Variants in NRG2 observed in about 807,000 individuals in gnomAD.
The protein encoded by NRG2 is pro-neuregulin-2, membrane-bound isoform.
Under a neutral mutation model 73.9 loss-of-function variants are expected in NRG2, and 27 were observed. The observed-to-expected ratio is 0.37, with a 90% CI of 0.27 to 0.50. The LOEUF (loss-of-function observed/expected upper bound fraction) is 0.50. Among genes scored for constraint, NRG2 ranks in the 20% least tolerant of loss-of-function variants. The probability of loss-of-function intolerance (pLI) is 0.96; values close to 1 mark genes in which losing one functional copy is unlikely to be tolerated. For missense variants in NRG2, 1,126 were observed against 1,210.1 expected (o/e 0.93, Z 1.03); for synonymous variants, 532 against 541.0 (o/e 0.98, Z 0.23).
intron 1 of NRG2, among the ~76,000 whole-genome samples, chr5:140,013,082 T>C (rs1759494051): frequency 6.6e-6 from 1 of 152,206 alleles, no homozygotes; most frequent in Non-Finnish European, 1.5e-5. Context: ...TCCTCCCTCA[T>C]ACTCTCAGCT....
In NRG2 at chr5:139,954,670, C is replaced by T. The variant is rs910357326; in HGVS notation, c.701-67159G>A. Among the ~76,000 whole-genome samples the T allele has an allele frequency of 4.6e-5, 7 of 152,358 alleles. No homozygotes were observed. The highest frequency in any genetic ancestry group is 2.1e-4 in the South Asian group (1 of 4,820). Reference sequence around the variant, plus strand: ...CAGCGACTCTCCGCAGAGGCCCCTGCGCGTATCCCGCCAAGTTCCTCTCTC... The same window carrying T: ...CAGCGACTCTCCGCAGAGGCCCCTGTGCGTATCCCGCCAAGTTCCTCTCTC... On this transcript the variant is annotated intron_variant, in intron 1 of 9. Coordinates refer to ENST00000361474, the MANE Select transcript of NRG2 (RefSeq NM_004883.3). The surrounding 1 kb of genome is among the most constrained non-coding windows in gnomAD (Gnocchi z 5.0).
At chr5:139,990,795 A>G (rs1341063339) in intron 1 of NRG2, among the ~76,000 whole-genome samples, 2 of 152,144 alleles carry the variant, frequency 1.3e-5, no homozygotes, top group East Asian at 1.9e-4. Context: ...AGTGTTTCCT[A>G]TTCTATGAAA....
rs1299943314 is a variant in NRG2, at chr5:139,848,427, C to T, written c.2043G>A (p.Ala681=). 2 of 1,285,998 alleles carry T rather than the reference C, an allele frequency of 1.6e-6. No individual in the cohort carries two copies. The highest frequency in any genetic ancestry group is 3.1e-5 in the African/African-American group (2 of 63,554). The allele number at this position is 1,285,998 out of a possible 1,614,324, so 79.7% of individuals were successfully genotyped here. ...TCCCGCGCCGCGGTCCGGGCCCCGC[C>T]GCGGGGTAATAGTAGCTGTCATAGC... ...QRSYDSYYYP[A]AGPGPRRGTC... The change falls in exon 10 of 10, where the codon GCG becomes GCA. Residue 681 remains alanine (A), a synonymous_variant. Coordinates refer to ENST00000361474, the MANE Select transcript of NRG2 (RefSeq NM_004883.3).
At chr5:139,871,668 C>T (rs1762860960) in intron 4 of NRG2, 53 bp downstream of exon 4, 3 of 1,605,848 alleles carry the variant, frequency 1.9e-6, no homozygotes, top group Non-Finnish European at 2.6e-6. Flanking sequence ...ACTTCTGACC[C>T]AGCATCTCCT....
intron 1 of NRG2, among the ~76,000 whole-genome samples, chr5:140,041,337 T>A (rs934112901): frequency 3.9e-5 from 6 of 152,176 alleles, no homozygotes; most frequent in African/African-American, 1.4e-4. Context: ...TTACACCAAA[T>A]ACTCCAGTGT....
intron 1 of NRG2, among the ~76,000 whole-genome samples, chr5:139,938,953 G>GAAAGAAAGAA (rs1753134294): frequency 1.9e-5 from 2 of 105,230 alleles, no homozygotes; most frequent in South Asian, 6.3e-4. Context: ...AAGAAAGAAA[G>GAAAGAAAGAA]AAAGAAAAAA....
At chr5:140,024,916 A>G (rs938446516) in intron 1 of NRG2, among the ~76,000 whole-genome samples, 6 of 152,200 alleles carry the variant, frequency 3.9e-5, no homozygotes, top group Non-Finnish European at 5.9e-5. Flanking sequence ...GGCTATTTTT[A>G]TGCCACTTAC....
chr5:139,848,775 G>GGGGGGGGGGGGGGGGT, intron 9 of NRG2, 78 bp from the exon 10 acceptor site: 2 of 601,720 alleles, frequency 3.3e-6, no homozygotes, highest in Admixed American at 4.8e-5. Context: ...GTGGGGTAGG[G>GGGGGGGGGGGGGGGGT]TGGGAGGGGC....
At chr5:139,989,083 T>C (rs867620988) in intron 1 of NRG2, among the ~76,000 whole-genome samples, 2 of 152,046 alleles carry the variant, frequency 1.3e-5, no homozygotes, top group South Asian at 4.1e-4. Flanking sequence ...AAAAATATTG[T>C]AAACAACTTA....
chr5:139,886,528 A>C (rs1763883316), intron 2 of NRG2, among the ~76,000 whole-genome samples: 1 of 152,238 alleles, frequency 6.6e-6, no homozygotes, highest in African/African-American at 2.4e-5. Flanking sequence ...GGAGCTCCTC[A>C]GTCAGAGAGG....
chr5:139,970,757 T>C (rs1413024366), intron 1 of NRG2, among the ~76,000 whole-genome samples: 1 of 152,012 alleles, frequency 6.6e-6, no homozygotes, highest in African/African-American at 2.4e-5. Context: ...GCTGAGAGAG[T>C]GCTCATGACT....
intron 1 of NRG2, among the ~76,000 whole-genome samples, chr5:139,993,474 G>A (rs1400811785): frequency 6.6e-6 from 1 of 152,148 alleles, no homozygotes; most frequent in African/African-American, 2.4e-5. Context: ...ATGGGAGCTC[G>A]CTAGTATCGT....
chr5:139,871,078 C>T (rs1316863943), intron 4 of NRG2: 1 of 152,878 alleles, frequency 6.5e-6, no homozygotes, highest in African/African-American at 2.4e-5. Context: ...CCCCTCATCC[C>T]ATGGAGTGGG....
At chr5:139,881,108 C>G (rs184536431) in intron 2 of NRG2, 134 bp from the exon 3 acceptor site, 309 of 686,358 alleles carry the variant, frequency 4.5e-4, no homozygotes, top group Middle Eastern at 6.8e-4. Context: ...GAGATTCCCT[C>G]CCCCCAGCAA....
Position 139,853,088 on chromosome 5 carries a change from C to T in NRG2, c.1293-61G>A. 2 of 1,603,974 alleles carry T rather than the reference C, an allele frequency of 1.2e-6. No individual in the cohort carries two copies. The highest frequency in any genetic ancestry group is 1.1e-5 in the South Asian group (1 of 89,290). On this transcript the variant is annotated intron_variant, in intron 6 of 9. Coordinates refer to ENST00000361474, the MANE Select transcript of NRG2 (RefSeq NM_004883.3). The surrounding 1 kb of genome is among the most constrained non-coding windows in gnomAD (Gnocchi z 4.1). ...CCCCACTCGCCAACGATGAACTTCC[C>T]TAGCTATCTCTCTAGGGAAACAGCT...
chr5:139,847,825 A>C lies in NRG2; in HGVS notation c.*92T>G, dbSNP rs1761086505. 5.3e-6 allele frequency: 4 copies of C among 749,184 alleles called. No homozygotes were observed. Among genetic ancestry groups the C allele is most frequent in the African/African-American group, 3.7e-5 (2 of 53,548 alleles). 46.4% of individuals were successfully genotyped at this position (749,184 alleles called of 1,614,324 possible). A position where few individuals can be genotyped will look rare whatever the true frequency, so the allele number is the denominator to read the frequency against. ...TTTTATAGAAAATAAAAATATTTTT[A>C]TTTCTTTTTTCCTCCTTTCTCTCCA... On this transcript the variant is annotated 3_prime_UTR_variant, in exon 10 of 10. Coordinates refer to ENST00000361474, the MANE Select transcript of NRG2 (RefSeq NM_004883.3).
At chr5:139,873,031 G>A (rs1762961298) in intron 3 of NRG2, among the ~76,000 whole-genome samples, 1 of 152,168 alleles carries the variant, frequency 6.6e-6, no homozygotes, top group South Asian at 2.1e-4. Context: ...TAATAGGGGT[G>A]GAAGTGAGAG....
intron 1 of NRG2, among the ~76,000 whole-genome samples, chr5:139,931,964 G>A (rs533280640): frequency 1.1e-4 from 17 of 152,312 alleles, no homozygotes; most frequent in Admixed American, 1.1e-3. Context: ...TGGAATGAAG[G>A]GAACCATTGT....
Position 139,989,978 on chromosome 5 carries a change from C to T in NRG2, c.700+52392G>A, listed in dbSNP as rs574284271. Among the ~76,000 whole-genome samples the T allele has an allele frequency of 1.3e-3, 186 of 148,244 alleles. 2 individuals carry two copies. The highest frequency in any genetic ancestry group is 4.8e-3 in the South Asian group (23 of 4,764). On this transcript the variant is annotated intron_variant, in intron 1 of 9. Coordinates refer to ENST00000361474, the MANE Select transcript of NRG2 (RefSeq NM_004883.3). ...TAATTTTTTGTATTTTTAGTAGAGA[C>T]GGGGTTTCACCATGTTAGCCAGGAT... is the stretch of plus-strand genomic sequence containing the variant.
Sources: gnomAD v4.1 joint callset for allele counts (sites outside exome capture counted in the v4.1 genomes callset) on GRCh38, gnomAD v4.1.1 for gene constraint, Gnocchi (gnomAD v3.1) non-coding constraint, MANE v1.5 for transcripts, NCBI Gene and HGNC (gene_info 2026-07-23, HGNC 2026-07-21) for gene names.